Variants in ZFR observed in about 807,000 individuals in gnomAD.
ZFR encodes the protein zinc finger RNA-binding protein.
ZFR carries 19 observed loss-of-function variants against 130.7 expected under a neutral mutation model. The ratio of observed to expected loss-of-function variants is 0.15; its 90% CI spans 0.10 to 0.21. ZFR has a LOEUF of 0.21. Ranked by LOEUF, ZFR falls within the 10% of genes least tolerant of loss-of-function variation. ZFR has a pLI of 1.00. For synonymous variants in ZFR, 466 were observed against 456.9 expected (o/e 1.02, Z -0.25); for missense variants, 872 against 1,321.5 (o/e 0.66, Z 5.27).
In ZFR at chr5:32,414,949, A is replaced by T. The variant is rs778587949; in HGVS notation, c.784+20T>A. The stretch of plus-strand genomic sequence containing the variant: ...CTTCCTAATTTGTTTACTCATTTAA[A>T]CACAGTTTATCAGTCTTACCAGAAT... On this transcript the variant is annotated intron_variant, in intron 5 of 19. Coordinates refer to ENST00000265069, the MANE Select transcript of ZFR (RefSeq NM_016107.5). The T allele has an allele frequency of 3.1e-6, 5 of 1,596,230 alleles. No homozygotes were observed. In the South Asian group the frequency reaches 5.6e-5, roughly 18 times the overall value.
intron 6 of ZFR, 35 bp from the exon 7 acceptor site, chr5:32,404,132 TA>T (rs755328117): frequency 1.3e-6 from 2 of 1,529,064 alleles, no homozygotes; most frequent in Non-Finnish European, 1.8e-6. Flanking sequence ...TTTGCTTCAC[TA>T]ATTTTCTTTA....
At chr5:32,409,210 C>A (rs752180533) in intron 5 of ZFR, among the ~76,000 whole-genome samples, 1 of 152,108 alleles carries the variant, frequency 6.6e-6, no homozygotes, top group Non-Finnish European at 1.5e-5. Context: ...GGCAGTCTAC[C>A]AAATTTCCAG....
intron 2 of ZFR, among the ~76,000 whole-genome samples, chr5:32,434,043 G>C (rs188698613): frequency 6.6e-6 from 1 of 152,336 alleles, no homozygotes; most frequent in Non-Finnish European, 1.5e-5. Flanking sequence ...GCACTCCAGC[G>C]TGGGCTAGAG....
chr5:32,360,016 C>T (rs1451543784), intron 19 of ZFR, among the ~76,000 whole-genome samples: 1 of 151,710 alleles, frequency 6.6e-6, no homozygotes, highest in Admixed American at 6.6e-5. Flanking sequence ...CACTACATGA[C>T]CATGTGTATG....
chr5:32,367,975 A>C (rs1375631322), intron 17 of ZFR, among the ~76,000 whole-genome samples: 1 of 152,168 alleles, frequency 6.6e-6, no homozygotes, highest in Non-Finnish European at 1.5e-5. Flanking sequence ...AATCAAAATA[A>C]TGCTTTTTTT....
intron 3 of ZFR, among the ~76,000 whole-genome samples, chr5:32,418,216 C>A (rs890254814): frequency 6.7e-6 from 1 of 149,138 alleles, no homozygotes; most frequent in African/African-American, 2.5e-5. Context: ...GCCAAGATTG[C>A]GCCACTGCAC....
Position 32,402,784 on chromosome 5 carries a change from G to GA in ZFR, c.1516+321dup, listed in dbSNP as rs34053562. 8.6e-4 allele frequency among the ~76,000 whole-genome samples: 115 copies of GA among 133,682 alleles called. No individual in the cohort carries two copies. In the East Asian group the frequency reaches 0.019, roughly 22 times the overall value. 87.7% of individuals were successfully genotyped at this position (133,682 alleles called of 152,430 possible). On this transcript the variant is annotated intron_variant, in intron 8 of 19. Transcript: ENST00000265069. ...CAGAGTGGGGCTCTGTCTCAAAAAT[G>GA]AAAAAAAAAAAAACAAAAAAAACCA...
chr5:32,379,800 A>C (rs1251889292), intron 16 of ZFR: 3 of 292,798 alleles, frequency 1.0e-5, no homozygotes, highest in Admixed American at 8.9e-5. Flanking sequence ...TGATGTTCCT[A>C]AACAAGTCAA....
rs140368082 is a variant in ZFR at position 32,420,528 on chromosome 5, T to C, written c.138-425A>G. Among the ~76,000 whole-genome samples, 68 of 152,324 alleles carry C rather than the reference T, an allele frequency of 4.5e-4. 1 individual carries two copies. The highest frequency in any genetic ancestry group is 8.2e-4 in the Non-Finnish European group (56 of 68,012). ...CTACAAAGAAACCATAAGAAAAATA[T>C]TCTATTCTAGCCCAATTACAGAAAG... On this transcript the variant is annotated intron_variant, in intron 2 of 19. Transcript: ENST00000265069.
At chr5:32,434,357 A>G (rs924043585) in intron 2 of ZFR, among the ~76,000 whole-genome samples, 3 of 152,332 alleles carry the variant, frequency 2.0e-5, no homozygotes, top group Admixed American at 2.0e-4. Flanking sequence ...TTTTGCATTC[A>G]TCTTATGATC....
At chr5:32,444,055 CAAGG>C (rs1464835866) in intron 2 of ZFR, among the ~76,000 whole-genome samples, 170 bp downstream of exon 2, 29 of 128,934 alleles carry the variant, frequency 2.2e-4, no homozygotes, top group East Asian at 1.5e-3. Flanking sequence ...CCGGGCCGGG[CAAGG>C]CGGGGCGGGG....
At position 32,406,948 on chromosome 5, in the gene ZFR, TTGCTGCTGC is replaced by T; in HGVS notation, c.849_857del (p.Gln285_Gln287del). The T allele has an allele frequency of 2.5e-6, 4 of 1,598,434 alleles. No homozygotes were observed. The highest frequency in any genetic ancestry group is 3.4e-6 in the Non-Finnish European group (4 of 1,176,128). On this transcript the variant is annotated inframe_deletion, in exon 6 of 20. Coordinates refer to ENST00000265069, the MANE Select transcript of ZFR (RefSeq NM_016107.5). ...CAGCTGCTGCTGCTGCCTGCTTCTG[TTGCTGCTGC>T]TGCTGTTGATAGTAGGAAGATGCAG...
At chr5:32,419,295 C>T (rs1029136800) in intron 3 of ZFR, among the ~76,000 whole-genome samples, 9 of 151,740 alleles carry the variant, frequency 5.9e-5, no homozygotes, top group African/African-American at 7.3e-5. Context: ...GTCAAATGGA[C>T]GGGGGGTGAG....
At chr5:32,364,383 T>C (rs1350947978) in intron 17 of ZFR, 108 bp from the exon 18 acceptor site, 17 of 723,052 alleles carry the variant, frequency 2.4e-5, no homozygotes, top group Middle Eastern at 2.8e-4. Flanking sequence ...AAAAGCTACA[T>C]AGAACAAGTC....
intron 8 of ZFR, among the ~76,000 whole-genome samples, chr5:32,401,656 T>C (rs1022669148): frequency 2.0e-5 from 3 of 152,126 alleles, no homozygotes; most frequent in African/African-American, 7.2e-5. Flanking sequence ...GGGCCTTATA[T>C]GACAAATGAG....
At chr5:32,421,933 A>G (rs976794733) in intron 2 of ZFR, among the ~76,000 whole-genome samples, 3 of 152,194 alleles carry the variant, frequency 2.0e-5, no homozygotes, top group Non-Finnish European at 2.9e-5. Flanking sequence ...GTAACAGGTC[A>G]TACTTTTCCA....
chr5:32,426,984 C>T (rs1461761523), intron 2 of ZFR, among the ~76,000 whole-genome samples: 1 of 149,068 alleles, frequency 6.7e-6, no homozygotes, highest in Non-Finnish European at 1.5e-5. Context: ...ATGGAAAACA[C>T]TAAACACTCC....
intron 17 of ZFR, among the ~76,000 whole-genome samples, chr5:32,371,458 G>T (rs541840994): frequency 6.6e-6 from 1 of 152,326 alleles, no homozygotes; most frequent in East Asian, 1.9e-4. Flanking sequence ...CAGTGACAGA[G>T]AACATTCCTT....
At position 32,414,981 on chromosome 5, in the gene ZFR, C is replaced by T; in HGVS notation, c.772G>A (p.Val258Ile). Residue 258 changes from valine (V) to isoleucine (I), a missense_variant, in exon 5 of 20, where the codon GTT becomes ATT. Val to Ile is a conservative substitution (Grantham distance 29, BLOSUM62 3). Around this residue, in one of 7 missense-constraint regions of ZFR, gnomAD observed 240 missense variants for 441.2 expected, o/e 0.54. Coordinates refer to ENST00000265069, the MANE Select transcript of ZFR (RefSeq NM_016107.5). ...TQSATYSTTA[V>I]TYSGTSYSGY... is the part of the protein sequence containing the mutation. ...TTATCAGTCTTACCAGAATATGTAA[C>T]TGCTGTGGTACTGTAAGTAGCACTC... 6.2e-7 allele frequency: 1 copy of T among 1,613,192 alleles called. No individual in the cohort carries two copies. Among genetic ancestry groups the T allele is most frequent in the Non-Finnish European group, 8.5e-7 (1 of 1,179,480 alleles).
Sources: gnomAD v4.1 joint callset for allele counts (sites outside exome capture counted in the v4.1 genomes callset) on GRCh38, gnomAD v4.1.1 for gene constraint, gnomAD v4.1.1 regional missense constraint, MANE v1.5 for transcripts, NCBI Gene and HGNC (gene_info 2026-07-23, HGNC 2026-07-21) for gene names.